SPOCK2: variants seen among roughly 807,000 people sequenced by gnomAD.
The protein encoded by SPOCK2 is testican-2.
A neutral mutation model predicts 60.1 loss-of-function variants in SPOCK2; 39 were observed. The observed-to-expected ratio is 0.65, with a 90% CI of 0.50 to 0.85. The LOEUF is 0.85. SPOCK2 is among the 40% of genes least tolerant of loss of function. The pLI is 0.00. For synonymous variants in SPOCK2, 217 were observed against 231.5 expected (o/e 0.94, Z 0.57); for missense variants, 523 against 567.4 (o/e 0.92, Z 0.80).
intron 2 of SPOCK2, 176 bp from the exon 3 acceptor site, chr10:72,072,724 C>A: frequency 7.5e-7 from 1 of 1,328,252 alleles, no homozygotes; most frequent in Non-Finnish European, 1.1e-6. Context: ...ACACCTCTAT[C>A]CCTATAAACC....
At position 72,075,685 on chromosome 10, in the gene SPOCK2, G is replaced by T. The variant is rs112272196; in HGVS notation, c.190-2775C>A. Among the ~76,000 whole-genome samples the T allele has an allele frequency of 1.9e-3, 290 of 152,316 alleles. 2 individuals carry two copies. The highest frequency in any genetic ancestry group is 6.5e-3 in the African/African-American group (270 of 41,580). On this transcript the variant is annotated intron_variant, in intron 1 of 10. Coordinates refer to ENST00000373109, the MANE Select transcript of SPOCK2 (RefSeq NM_001244950.2). ...CTCCCTTCCTGACTCAGCTGGCAGG[G>T]AGGGAGCCCCTTCTGTGCAAAGCAC...
intron 3 of SPOCK2, 107 bp downstream of exon 3, chr10:72,072,396 C>T (rs113961591): frequency 8.4e-6 from 13 of 1,545,830 alleles, no homozygotes; most frequent in East Asian, 6.8e-5. Flanking sequence ...CCATCCCCAC[C>T]GGGGCCTGGC....
In SPOCK2 at chr10:72,060,431, GA is replaced by G; in HGVS notation, c.*2328del. 1 of 152,346 alleles carries G rather than the reference GA, an allele frequency of 6.6e-6. No homozygotes were observed. 9.4% of individuals were successfully genotyped at this position (152,346 alleles called of 1,614,324 possible). ...CAGGAGCGGAGGGTGACATCAAGAGGACAGGGGACACCCTTCCTCTGAACTC... is the reference window on the plus strand; with the variant it reads ...CAGGAGCGGAGGGTGACATCAAGAGGCAGGGGACACCCTTCCTCTGAACTC... On this transcript the variant is annotated 3_prime_UTR_variant, in exon 11 of 11. Transcript: ENST00000373109.
At position 72,072,254 on chromosome 10, in the gene SPOCK2, C is replaced by A; in HGVS notation, c.249G>T (p.Leu83=). ...TCTGGCAGGGGTCCTTGGTGGTATC[C>A]AGGGCTGCAGGGGCACAGAGTCAGG... is the stretch of plus-strand genomic sequence containing the variant. ...WEDNQQGDEA[L]DTTKDPCQKV... Residue 83 remains leucine, a synonymous_variant, in exon 4 of 11, where the codon CTG becomes CTT. Transcript: ENST00000373109. 1 of 1,527,456 alleles carries A rather than the reference C, an allele frequency of 6.5e-7. No homozygotes were observed. Among genetic ancestry groups the A allele is most frequent in the Non-Finnish European group, 8.8e-7 (1 of 1,137,226 alleles). 94.6% of individuals were successfully genotyped at this position (1,527,456 alleles called of 1,614,324 possible). A position where few individuals can be genotyped will look rare whatever the true frequency, so the allele number is the denominator to read the frequency against.
At chr10:72,082,424 ATC>A (rs1389360048) in intron 1 of SPOCK2, among the ~76,000 whole-genome samples, 1 of 152,082 alleles carries the variant, frequency 6.6e-6, no homozygotes, top group Non-Finnish European at 1.5e-5. Context: ...TGGACTGCAT[ATC>A]TGTGTCCCCC....
intron 1 of SPOCK2, among the ~76,000 whole-genome samples, chr10:72,084,228 G>C (rs950935970): frequency 6.6e-6 from 1 of 152,214 alleles, no homozygotes; most frequent in African/African-American, 2.4e-5. Context: ...TTTTTCCGTG[G>C]GGGAGGAGCG....
Position 72,087,458 on chromosome 10 carries a change from C to T in SPOCK2, c.189+682G>A, listed in dbSNP as rs1322215488. On this transcript the variant is annotated intron_variant, in intron 1 of 10. Coordinates refer to ENST00000373109, the MANE Select transcript of SPOCK2 (RefSeq NM_001244950.2). This position sits in a 1 kb window ranked among gnomAD's most constrained non-coding sequence, Gnocchi z 4.7. The stretch of plus-strand genomic sequence containing the variant: ...TGCTCCCCTCGCTCCAGGCTGGATT[C>T]CCCCCTGAAATGTTGGTCCGGGAAA... 6.6e-6 allele frequency among the ~76,000 whole-genome samples: 1 copy of T among 152,158 alleles called. No individual in the cohort carries two copies. The highest frequency in any genetic ancestry group is 2.4e-5 in the African/African-American group (1 of 41,446).
In SPOCK2 at chr10:72,060,144, AAACCTT is replaced by A. The variant is rs1287349172; in HGVS notation, c.*2610_*2615del. 1 of 152,176 alleles carries A rather than the reference AAACCTT, an allele frequency of 6.6e-6. No homozygotes were observed. The highest frequency in any genetic ancestry group is 2.4e-5 in the African/African-American group (1 of 41,436). The allele number at this position is 152,176 out of a possible 1,614,324, so 9.4% of individuals were successfully genotyped here. Reference sequence around the variant, plus strand: ...CCGATCTGCAACCTTGCTCATGAGGAAACCTTAACCTTGTCTAACAAAAAGCCACTT... The same window carrying A: ...CCGATCTGCAACCTTGCTCATGAGGAAACCTTGTCTAACAAAAAGCCACTT... On this transcript the variant is annotated 3_prime_UTR_variant, in exon 11 of 11. Coordinates refer to ENST00000373109, the MANE Select transcript of SPOCK2 (RefSeq NM_001244950.2).
chr10:72,072,584 G>A lies in SPOCK2; in HGVS notation c.199-36C>T, dbSNP rs117064945. 1.5e-3 allele frequency: 2,413 copies of A among 1,613,456 alleles called. 33 individuals are homozygous for A. In the East Asian group the frequency reaches 0.036, roughly 24 times the overall value. The stretch of plus-strand genomic sequence containing the variant: ...GAGAGGGACAAGGGAGAAGGGAAAG[G>A]CTAAGATCCATATCCCAGAGGTTCA... On this transcript the variant is annotated intron_variant, in intron 2 of 10. Transcript: ENST00000373109.
intron 1 of SPOCK2, among the ~76,000 whole-genome samples, chr10:72,078,251 C>T (rs1200537200): frequency 6.6e-6 from 1 of 152,176 alleles, no homozygotes; most frequent in Non-Finnish European, 1.5e-5. Context: ...CGCGGTGGCT[C>T]ACACCTGTAA....
intron 1 of SPOCK2, 132 bp from the exon 2 acceptor site, chr10:72,073,042 C>T: frequency 8.0e-7 from 1 of 1,254,548 alleles, no homozygotes; most frequent in Non-Finnish European, 1.1e-6. Flanking sequence ...CGAGCAATGG[C>T]CTTCGATGGC....
At chr10:72,080,127 A>AG (rs1476622937) in intron 1 of SPOCK2, among the ~76,000 whole-genome samples, 1 of 152,122 alleles carries the variant, frequency 6.6e-6, no homozygotes, top group African/African-American at 2.4e-5. Flanking sequence ...CAGTGTTACA[A>AG]GGGGTCTCAA....
At chr10:72,065,456 G>A (rs1840556029) in intron 8 of SPOCK2, among the ~76,000 whole-genome samples, 1 of 152,234 alleles carries the variant, frequency 6.6e-6, no homozygotes, top group South Asian at 2.1e-4. Flanking sequence ...GTGCACAGGA[G>A]GCCGCACCAC....
chr10:72,083,983 G>A (rs1314797031), intron 1 of SPOCK2, among the ~76,000 whole-genome samples: 1 of 152,106 alleles, frequency 6.6e-6, no homozygotes, highest in African/African-American at 2.4e-5. Context: ...GGTCAGGAGG[G>A]AGCCCCTTTG....
At position 72,067,826 on chromosome 10, in the gene SPOCK2, G is replaced by T. The variant is rs1350533413; in HGVS notation, c.590-94C>A. 3 of 1,527,598 alleles carry T rather than the reference G, an allele frequency of 2.0e-6. No homozygotes were observed. In the African/African-American group the frequency reaches 4.1e-5, roughly 21 times the overall value. 94.6% of individuals were successfully genotyped at this position (1,527,598 alleles called of 1,614,324 possible). A position where few individuals can be genotyped will look rare whatever the true frequency, so the allele number is the denominator to read the frequency against. ...ATCCTGCCCTACAGGCCAGGAGGCT[G>T]GGCAGGGGTCCGGGAGGCAGCAGCA... On this transcript the variant is annotated intron_variant, in intron 6 of 10. Coordinates refer to ENST00000373109, the MANE Select transcript of SPOCK2 (RefSeq NM_001244950.2).
At chr10:72,064,570 G>A (rs574546425) in intron 8 of SPOCK2, among the ~76,000 whole-genome samples, 6 of 152,140 alleles carry the variant, frequency 3.9e-5, no homozygotes, top group Non-Finnish European at 8.8e-5. Context: ...CCAGGGGAAC[G>A]TAATGCTAGA....
At chr10:72,084,690 A>C (rs1337032971) in intron 1 of SPOCK2, among the ~76,000 whole-genome samples, 1 of 152,220 alleles carries the variant, frequency 6.6e-6, no homozygotes, top group African/African-American at 2.4e-5. Context: ...CTTGGATTCA[A>C]ATCTCAGCTC....
At position 72,066,999 on chromosome 10, in the gene SPOCK2, C is replaced by T; in HGVS notation, c.831G>A (p.Lys277=). 1 of 1,614,224 alleles carries T rather than the reference C, an allele frequency of 6.2e-7. No homozygotes were observed. The highest frequency in any genetic ancestry group is 8.5e-7 in the Non-Finnish European group (1 of 1,180,054). ...QTELAAINLD[K]YEVCIRPFFN... is the part of the protein sequence containing the mutation. ...AGAAGGGACGGATGCAGACCTCGTA[C>T]TTGTCCAGGTTGATGGCGGCCAGCT... is the stretch of plus-strand genomic sequence containing the variant. The change falls in exon 8 of 11, where the codon AAG becomes AAA. Residue 277 remains lysine (K), a synonymous_variant. Transcript: ENST00000373109.
intron 1 of SPOCK2, among the ~76,000 whole-genome samples, chr10:72,078,801 C>G (rs896076491): frequency 6.6e-6 from 1 of 152,212 alleles, no homozygotes; most frequent in African/African-American, 2.4e-5. Context: ...CCGAGCCCCA[C>G]TCCTTATCCT....
Sources: allele counts gnomAD v4.1 joint callset (sites outside exome capture counted in the v4.1 genomes callset), GRCh38; gene constraint gnomAD v4.1.1; non-coding constraint Gnocchi (gnomAD v3.1); transcripts MANE v1.5; gene names NCBI Gene and HGNC (gene_info 2026-07-23, HGNC 2026-07-21).